ABR: variants seen among roughly 807,000 people sequenced by gnomAD.
The protein encoded by ABR is active breakpoint cluster region-related protein.
Under a neutral mutation model 107.2 loss-of-function variants are expected in ABR, and 35 were observed. The observed-to-expected ratio is 0.33, with a 90% CI of 0.25 to 0.43. The LOEUF is 0.43. Among genes scored for constraint, ABR ranks in the 20% least tolerant of loss-of-function variants. ABR has a pLI of 1.00. For missense variants in ABR, 815 were observed against 1,115.2 expected (o/e 0.73, Z 3.83); for synonymous variants, 498 against 462.0 (o/e 1.08, Z -1.00).
At chr17:1,056,266 G>A (rs144905222) in intron 13 of ABR, among the ~76,000 whole-genome samples, 157 bp from the exon 14 acceptor site, 44 of 151,994 alleles carry the variant, frequency 2.9e-4, no homozygotes, top group East Asian at 9.7e-4. Context: ...CGAAGGCCAC[G>A]GCGGCCTTAT....
chr17:1,031,198 G>C (rs1167666358), intron 16 of ABR, among the ~76,000 whole-genome samples: 1 of 152,044 alleles, frequency 6.6e-6, no homozygotes, highest in Non-Finnish European at 1.5e-5. Context: ...TGCTGCGGTC[G>C]GCGCCCCTCA....
chr17:1,005,945 G>A lies in ABR; in HGVS notation c.*135C>T. ...TGGCACAAAAGACGTACGCATTCCA[G>A]TTCTTGGAAGCTGGCTTCCCTCGAG... is the stretch of plus-strand genomic sequence containing the variant. On this transcript the variant is annotated 3_prime_UTR_variant, in exon 23 of 23. Transcript: ENST00000302538. The A allele has an allele frequency of 3.5e-6, 3 of 851,104 alleles. No individual in the cohort carries two copies. The highest frequency in any genetic ancestry group is 1.6e-5 in the South Asian group (1 of 62,916). 52.7% of individuals were successfully genotyped at this position (851,104 alleles called of 1,614,324 possible). A position where few individuals can be genotyped will look rare whatever the true frequency, so the allele number is the denominator to read the frequency against.
At chr17:1,086,821 A>G (rs921882004) in intron 4 of ABR, among the ~76,000 whole-genome samples, 1 of 152,164 alleles carries the variant, frequency 6.6e-6, no homozygotes, top group Admixed American at 6.5e-5. Flanking sequence ...TTTAAAGTAC[A>G]TGCAGCTGGG....
chr17:1,227,790 C>A (rs2043249603), intron 1 of ABR, among the ~76,000 whole-genome samples: 4 of 152,218 alleles, frequency 2.6e-5, no homozygotes, highest in Non-Finnish European at 5.9e-5. Flanking sequence ...CACGCCACCC[C>A]CATCCCCACC....
chr17:1,058,924 A>G (rs948206965), intron 10 of ABR, 57 bp from the exon 11 acceptor site: 1 of 1,603,720 alleles, frequency 6.2e-7, no homozygotes, highest in Non-Finnish European at 8.5e-7. Context: ...TCTCACGAGC[A>G]GCACTAAGCA....
At chr17:1,229,568 C>T (rs2043297367) in exon 1 of ABR, among the ~76,000 whole-genome samples, 2 of 152,168 alleles carry the variant, frequency 1.3e-5, no homozygotes, top group East Asian at 1.9e-4. Flanking sequence ...GCCTCGGGAC[C>T]GGCGCCTCCG....
chr17:1,213,876 A>G (rs576833429), intron 1 of ABR, among the ~76,000 whole-genome samples: 14 of 151,760 alleles, frequency 9.2e-5, no homozygotes, highest in African/African-American at 3.1e-4. Flanking sequence ...TATTTTGGAG[A>G]GATGTGAAAT....
In ABR at chr17:1,012,302, G is replaced by T. The variant is rs1002587574; in HGVS notation, c.1962-317C>A. On this transcript the variant is annotated intron_variant, in intron 18 of 22. Transcript: ENST00000302538. Reference sequence around the variant, plus strand: ...AGGCCCAGCAGGCAGCCCACATGAGGAGGTGGGTCAGGCCTGAGACAAGGG... The same window carrying T: ...AGGCCCAGCAGGCAGCCCACATGAGTAGGTGGGTCAGGCCTGAGACAAGGG... 5 of 640,622 alleles carry T rather than the reference G, an allele frequency of 7.8e-6. No homozygotes were observed. In the East Asian group the frequency reaches 1.6e-4, roughly 20 times the overall value. 39.7% of individuals were successfully genotyped at this position (640,622 alleles called of 1,614,324 possible). A position where few individuals can be genotyped will look rare whatever the true frequency, so the allele number is the denominator to read the frequency against.
chr17:1,104,074 C>T (rs1048518554), intron 2 of ABR, among the ~76,000 whole-genome samples: 9 of 152,114 alleles, frequency 5.9e-5, no homozygotes, highest in African/African-American at 1.9e-4. Flanking sequence ...TAGAATGCTC[C>T]GGAGCGAGTT....
At chr17:1,170,085 G>A (rs917593576) in intron 1 of ABR, among the ~76,000 whole-genome samples, 1 of 152,026 alleles carries the variant, frequency 6.6e-6, no homozygotes, top group East Asian at 1.9e-4. Flanking sequence ...ATGCAGGCAC[G>A]TGGGCTCCAA....
chr17:1,179,138 C>G lies in ABR; in HGVS notation c.61+529G>C, dbSNP rs141194968. On this transcript the variant is annotated intron_variant, in intron 1 of 22. Transcript: ENST00000302538. The surrounding 1 kb of genome is among the most constrained non-coding windows in gnomAD (Gnocchi z 4.9). ...CCCCGCGGATATCTGCACCCCCCGT[C>G]TCCCCTCCCACCCGATCCCACCCCA... Among the ~76,000 whole-genome samples the G allele has an allele frequency of 9.2e-5, 14 of 151,920 alleles. No individual in the cohort carries two copies. The highest frequency in any genetic ancestry group is 3.4e-4 in the African/African-American group (14 of 41,316).
chr17:1,008,489 C>T (rs530695577), intron 21 of ABR, among the ~76,000 whole-genome samples: 2 of 152,372 alleles, frequency 1.3e-5, no homozygotes, highest in East Asian at 1.9e-4. Context: ...TGGGAACAGA[C>T]TGTGCCCAGT....
upstream of ABR, among the ~76,000 whole-genome samples, chr17:1,182,525 G>A (rs981725632): frequency 2.0e-5 from 3 of 152,058 alleles, no homozygotes; most frequent in Non-Finnish European, 2.9e-5. Context: ...GTGCCACCAC[G>A]CCTGGCTAAT....
In ABR at chr17:1,007,270, G is replaced by C. The variant is rs750604293; in HGVS notation, c.2385C>G (p.Asn795Lys). ...ACGTGGGTCCAAACACGGTAGCCAG[G>C]TTGTGAAGTGACATTTTGTTGATGG... ...KEPINKMSLH[N>K]LATVFGPTLL... The change falls in exon 22 of 23, where the codon AAC becomes AAG. Residue 795 changes from asparagine (N) to lysine (K), a missense_variant. By Grantham distance (94) the Asn-to-Lys change is moderately conservative. Around this residue, in one of 5 missense-constraint regions of ABR, gnomAD observed 175 missense variants for 284.3 expected, o/e 0.62. Transcript: ENST00000302538. 6.2e-7 allele frequency: 1 copy of C among 1,614,170 alleles called. No individual in the cohort carries two copies. The highest frequency in any genetic ancestry group is 8.5e-7 in the Non-Finnish European group (1 of 1,179,996).
intron 11 of ABR, among the ~76,000 whole-genome samples, chr17:1,058,438 C>A (rs1015235677): frequency 1.3e-5 from 2 of 152,206 alleles, no homozygotes; most frequent in Non-Finnish European, 2.9e-5. Flanking sequence ...CTGTGCCCGG[C>A]CCAAAGCTCC....
intron 1 of ABR, among the ~76,000 whole-genome samples, chr17:1,203,354 CGGGGCGGTCCCCCGT>C (rs2042709939): frequency 1.8e-5 from 1 of 55,314 alleles, no homozygotes; most frequent in Non-Finnish European, 3.8e-5. Flanking sequence ...GAGGAGCCTG[CGGGGCGGTCCCCCGT>C]GGGGGCGGGG....
intron 2 of ABR, chr17:1,109,116 C>CGGCGGCGGGAGGAGGGAGGAGGGA: frequency 7.3e-7 from 1 of 1,377,416 alleles, no homozygotes; most frequent in Admixed American, 2.0e-5. Flanking sequence ...GTCCACGCAG[C>CGGCGGCGGGAGGAGGGAGGAGGGA]GGCGGCGGGA....
intron 1 of ABR, among the ~76,000 whole-genome samples, chr17:1,214,561 G>A (rs556285938): frequency 3.3e-5 from 5 of 152,188 alleles, no homozygotes; most frequent in Admixed American, 6.5e-5. Flanking sequence ...CAGCACTTTG[G>A]GAGGCTGAGG....
chr17:1,051,800 A>T lies in ABR; in HGVS notation c.1562-1166T>A, dbSNP rs1197438807. On this transcript the variant is annotated intron_variant, in intron 14 of 22. Transcript: ENST00000302538. The surrounding 1 kb of genome is among the most constrained non-coding windows in gnomAD (Gnocchi z 4.3). ...TCAGAACAGCTTTCCTGGCCGGGCA[A>T]GGTGGCTCACGCCTGTAAATCCCAG... Among the ~76,000 whole-genome samples, 1 of 152,166 alleles carries T rather than the reference A, an allele frequency of 6.6e-6. No homozygotes were observed. Among genetic ancestry groups the T allele is most frequent in the Non-Finnish European group, 1.5e-5 (1 of 68,012 alleles).
Sources: gnomAD v4.1 joint callset for allele counts (sites outside exome capture counted in the v4.1 genomes callset) on GRCh38, gnomAD v4.1.1 for gene constraint, gnomAD v4.1.1 regional missense constraint, Gnocchi (gnomAD v3.1) non-coding constraint, MANE v1.5 for transcripts, NCBI Gene and HGNC (gene_info 2026-07-23, HGNC 2026-07-21) for gene names.